Variants in SCN11A observed in about 807,000 individuals in gnomAD.
SCN11A encodes sodium voltage-gated channel alpha subunit 11, also known as sodium channel protein type 11 subunit alpha.
A neutral mutation model predicts 162.2 loss-of-function variants in SCN11A; 122 were observed. The observed-to-expected ratio is 0.75, with a 90% CI of 0.65 to 0.87. The LOEUF is 0.87. Ranked by LOEUF, SCN11A falls within the 40% of genes least tolerant of loss-of-function variation. The pLI is 0.00. For synonymous variants in SCN11A, 758 were observed against 751.5 expected (o/e 1.01, Z -0.14); for missense variants, 2,015 against 2,181.6 (o/e 0.92, Z 1.52).
At position 38,940,562 on chromosome 3, in the gene SCN11A, G is replaced by A. The variant is rs560549498; in HGVS notation, c.488+4849C>T. On this transcript the variant is annotated intron_variant, in intron 7 of 29. Transcript: ENST00000302328. ...AACATTTCACATCAGAGGATAAGAG[G>A]TGGACTATTTAACAAATGGTGTTGG... 6.5e-4 allele frequency among the ~76,000 whole-genome samples: 99 copies of A among 152,322 alleles called. 1 individual carries two copies. Among genetic ancestry groups the A allele is most frequent in the Admixed American group, 4.4e-3 (68 of 15,308 alleles).
At chr3:38,970,135 G>A (rs1212481918) in intron 2 of SCN11A, among the ~76,000 whole-genome samples, 1 of 152,192 alleles carries the variant, frequency 6.6e-6, no homozygotes, top group Non-Finnish European at 1.5e-5. Flanking sequence ...GGAGAGAGCG[G>A]AGGAGGGTTA....
At chr3:38,878,820 C>T (rs1056628849) in intron 23 of SCN11A, among the ~76,000 whole-genome samples, 2 of 152,102 alleles carry the variant, frequency 1.3e-5, no homozygotes, top group African/African-American at 4.8e-5. Flanking sequence ...TAACCAACAA[C>T]ATTATGGTTC....
intron 2 of SCN11A, among the ~76,000 whole-genome samples, chr3:39,001,676 G>A (rs912394992): frequency 6.6e-6 from 1 of 151,912 alleles, no homozygotes; most frequent in South Asian, 2.1e-4. Context: ...TCTTTTCTAT[G>A]TAGCTATCTA....
intron 2 of SCN11A, chr3:39,025,986 A>G (rs2125608960): frequency 6.6e-6 from 1 of 152,332 alleles, no homozygotes; most frequent in Admixed American, 6.5e-5. Flanking sequence ...TACTTAAAAG[A>G]GTACTTGCTT....
chr3:38,945,033 A>G (rs1392006435), intron 7 of SCN11A, among the ~76,000 whole-genome samples: 1 of 152,206 alleles, frequency 6.6e-6, no homozygotes, highest in Non-Finnish European at 1.5e-5. Context: ...ACAATTTTTT[A>G]CAAACAAAAA....
At position 38,846,926 on chromosome 3, in the gene SCN11A, T is replaced by C. The variant is rs765946372; in HGVS notation, c.5144A>G (p.Asn1715Ser). Residue 1715 changes from asparagine (N) to serine (S), a missense_variant, in exon 30 of 30, where the codon AAT (asparagine) becomes AGT (serine). Transcript: ENST00000302328. The part of the protein sequence containing the change: ...AMMEEKFMEA[N>S]PLKKLYEPIV... ...GGGTTCATACAACTTCTTGAGAGGATTGGCTTCCATGAACTTCTCTTCCAT... is the reference window on the plus strand; with the variant it reads ...GGGTTCATACAACTTCTTGAGAGGACTGGCTTCCATGAACTTCTCTTCCAT... 2.3e-5 allele frequency: 37 copies of C among 1,614,040 alleles called. No individual in the cohort carries two copies. Among genetic ancestry groups the C allele is most frequent in the African/African-American group, 5.3e-5 (4 of 74,928 alleles).
intron 2 of SCN11A, among the ~76,000 whole-genome samples, chr3:38,976,175 TAAC>T (rs2066848135): frequency 6.6e-6 from 1 of 152,204 alleles, no homozygotes; most frequent in South Asian, 2.1e-4. Flanking sequence ...GGATTTAAAA[TAAC>T]AATCCAGTTA....
At chr3:39,032,875 G>C (rs1445601840) in intron 1 of SCN11A, among the ~76,000 whole-genome samples, 1 of 152,186 alleles carries the variant, frequency 6.6e-6, no homozygotes, top group Non-Finnish European at 1.5e-5. Flanking sequence ...AAACTGGCCA[G>C]GCACAGTGGC....
At chr3:38,963,387 GATGGAGA>G (rs2066757044) in intron 2 of SCN11A, among the ~76,000 whole-genome samples, 5 of 48,692 alleles carry the variant, frequency 1.0e-4, no homozygotes, top group African/African-American at 4.8e-4. Context: ...ATATATATAT[GATGGAGA>G]TATATATATA....
At chr3:39,044,104 A>C (rs2032126954) in intron 1 of SCN11A, among the ~76,000 whole-genome samples, 1 of 152,254 alleles carries the variant, frequency 6.6e-6, no homozygotes, top group Non-Finnish European at 1.5e-5. Context: ...GAGAAAAAGA[A>C]TGTCATTATA....
intron 28 of SCN11A, among the ~76,000 whole-genome samples, chr3:38,851,105 A>T (rs1423362699): frequency 6.6e-6 from 1 of 152,216 alleles, no homozygotes; most frequent in East Asian, 1.9e-4. Flanking sequence ...TAAAAAGATG[A>T]ATCTTGGTAT....
intron 2 of SCN11A, among the ~76,000 whole-genome samples, chr3:39,016,046 G>C (rs2031280540): frequency 6.6e-6 from 1 of 152,184 alleles, no homozygotes; most frequent in South Asian, 2.1e-4. Flanking sequence ...ATATTTTTAA[G>C]GCGCTATCAG....
chr3:38,999,494 C>T, intron 2 of SCN11A, among the ~76,000 whole-genome samples: 1 of 152,192 alleles, frequency 6.6e-6, no homozygotes, highest in Non-Finnish European at 1.5e-5. Flanking sequence ...CTTTTGAAGA[C>T]TCTATTATGT....
At chr3:38,990,806 G>A (rs565469410) in intron 2 of SCN11A, among the ~76,000 whole-genome samples, 1 of 152,252 alleles carries the variant, frequency 6.6e-6, no homozygotes, top group East Asian at 1.9e-4. Flanking sequence ...GCTAGCAATT[G>A]GTAGAGGCAG....
chr3:39,024,801 CCA>C (rs144483219), intron 2 of SCN11A, among the ~76,000 whole-genome samples: 12,538 of 152,198 alleles, frequency 0.082, 723 homozygotes, highest in African/African-American at 0.16. Context: ...CTGGATATCC[CCA>C]GTCTATTAGC....
chr3:39,017,629 C>G (rs1559575577), intron 2 of SCN11A, among the ~76,000 whole-genome samples: 1 of 152,016 alleles, frequency 6.6e-6, no homozygotes. Flanking sequence ...TCTCTCTTTC[C>G]TCTCTTTTGG....
Position 39,024,253 on chromosome 3 carries a change from C to G in SCN11A, c.-280+8127G>C, listed in dbSNP as rs769949414. Among the ~76,000 whole-genome samples, 3 of 152,194 alleles carry G rather than the reference C, an allele frequency of 2.0e-5. No homozygotes were observed. In the South Asian group the frequency reaches 6.2e-4, roughly 32 times the overall value. On this transcript the variant is annotated intron_variant, in intron 2 of 29. Coordinates refer to ENST00000302328, the MANE Select transcript of SCN11A (RefSeq NM_001349253.2). ...ATAGCCATGTAGAAATGTGATTAGA[C>G]AAAAGGGTATGACCTAATAGTAGCA...
At chr3:38,902,522 C>CT (rs200708165) in intron 16 of SCN11A, among the ~76,000 whole-genome samples, 2,340 of 143,954 alleles carry the variant, frequency 0.016, 54 homozygotes, top group African/African-American at 0.055. Context: ...GCAGTGGGTT[C>CT]TTTTTTTTTT....
chr3:39,044,412 T>C (rs1559584541), intron 1 of SCN11A, among the ~76,000 whole-genome samples: 1 of 152,176 alleles, frequency 6.6e-6, no homozygotes, highest in Non-Finnish European at 1.5e-5. Flanking sequence ...AGATAGACCA[T>C]ATGTTAGCCC....
Sources: gnomAD v4.1 joint callset for allele counts (sites outside exome capture counted in the v4.1 genomes callset) on GRCh38, gnomAD v4.1.1 for gene constraint, MANE v1.5 for transcripts, NCBI Gene and HGNC (gene_info 2026-07-23, HGNC 2026-07-21) for gene names.